Variants in ABR observed in about 807,000 individuals in gnomAD.
The protein encoded by ABR is ABR activator of RhoGEF and GTPase.
ABR carries 35 observed loss-of-function variants against 107.2 expected under a neutral mutation model. The ratio of observed to expected loss-of-function variants is 0.33; its 90% CI spans 0.25 to 0.43. The LOEUF (loss-of-function observed/expected upper bound fraction) is 0.43. Ranked by LOEUF, ABR falls within the 20% of genes least tolerant of loss-of-function variation. The pLI is 1.00. For missense variants in ABR, 815 were observed against 1,115.2 expected (o/e 0.73, Z 3.83); for synonymous variants, 498 against 462.0 (o/e 1.08, Z -1.00).
At chr17:1,153,373 C>CG (rs1456614771) in intron 1 of ABR, among the ~76,000 whole-genome samples, 1 of 148,116 alleles carries the variant, frequency 6.8e-6, no homozygotes, top group Non-Finnish European at 1.5e-5. Context: ...GGCACACCTG[C>CG]GGGAGGGCTG....
chr17:1,043,648 G>A (rs2031047738), intron 16 of ABR, among the ~76,000 whole-genome samples: 1 of 152,252 alleles, frequency 6.6e-6, no homozygotes, highest in East Asian at 1.9e-4. Context: ...TACACCACGT[G>A]AGCTACTATG....
chr17:1,152,050 G>T (rs1026223682), intron 1 of ABR, among the ~76,000 whole-genome samples: 1 of 149,888 alleles, frequency 6.7e-6, no homozygotes, highest in Non-Finnish European at 1.5e-5. Context: ...AGCACTTTGG[G>T]AGGCCAAAGC....
chr17:1,134,387 G>A (rs982709663), intron 1 of ABR, among the ~76,000 whole-genome samples: 19 of 151,616 alleles, frequency 1.3e-4, no homozygotes, highest in Non-Finnish European at 1.5e-5. Flanking sequence ...ACTCCAGCCG[G>A]GGCAACAGAG....
At chr17:1,028,131 C>CCG (rs1206230181) in intron 16 of ABR, among the ~76,000 whole-genome samples, 3 of 152,144 alleles carry the variant, frequency 2.0e-5, no homozygotes, top group African/African-American at 7.2e-5. Context: ...CGCTCTGTTG[C>CCG]CCAGGCTGGA....
chr17:1,012,080 T>C (rs1390476427), intron 18 of ABR, 95 bp from the exon 19 acceptor site: 22 of 1,583,740 alleles, frequency 1.4e-5, no homozygotes, highest in Non-Finnish European at 1.9e-5. Context: ...GGAGAGCTTC[T>C]AGCATTTGGG....
At chr17:1,063,788 A>C (rs2034340272) in intron 10 of ABR, among the ~76,000 whole-genome samples, 1 of 148,844 alleles carries the variant, frequency 6.7e-6, no homozygotes, top group Non-Finnish European at 1.5e-5. Context: ...ATGTGAACTG[A>C]GGGCTATGCA....
At chr17:1,014,116 C>G (rs1284388415) in intron 16 of ABR, among the ~76,000 whole-genome samples, 1 of 152,154 alleles carries the variant, frequency 6.6e-6, no homozygotes, top group Non-Finnish European at 1.5e-5. Context: ...TCTAAATACC[C>G]CAGCGACGTG....
Position 1,070,271 on chromosome 17 carries a change from C to T in ABR, c.895-181G>A, listed in dbSNP as rs1236838275. On this transcript the variant is annotated intron_variant, in intron 8 of 22. Coordinates refer to ENST00000302538, the MANE Select transcript of ABR (RefSeq NM_021962.5). This position sits in a 1 kb window ranked among gnomAD's most constrained non-coding sequence, Gnocchi z 4.2. ...AGTCACATGGGCATGGGTTTGAATG[C>T]CAACAGGCTTCTCAGCTGTGATCTC... is the stretch of plus-strand genomic sequence containing the variant. Among the ~76,000 whole-genome samples the T allele has an allele frequency of 6.6e-6, 1 of 152,098 alleles. No individual in the cohort carries two copies. The highest frequency in any genetic ancestry group is 1.5e-5 in the Non-Finnish European group (1 of 68,022).
At chr17:1,169,712 C>T (rs1189532586) in intron 1 of ABR, among the ~76,000 whole-genome samples, 1 of 152,150 alleles carries the variant, frequency 6.6e-6, no homozygotes, top group African/African-American at 2.4e-5. Context: ...GCTCTGCAGC[C>T]CAGCAGGCCC....
intron 1 of ABR, among the ~76,000 whole-genome samples, chr17:1,226,024 A>T (rs914365307): frequency 1.3e-5 from 2 of 152,218 alleles, no homozygotes; most frequent in African/African-American, 4.8e-5. Flanking sequence ...GTCCAAAAAC[A>T]GAATAATACT....
rs1263069585 is a variant in ABR, at chr17:1,051,081, C to A, written c.1562-447G>T. Among the ~76,000 whole-genome samples the A allele has an allele frequency of 2.0e-5, 3 of 152,208 alleles. No individual in the cohort carries two copies. Among genetic ancestry groups the A allele is most frequent in the Admixed American group, 6.5e-5 (1 of 15,282 alleles). ...CGTAACATGGGTGCCCAGGCCTCAA[C>A]AGCGGCATTTGGGGTGGGAGGCGTT... On this transcript the variant is annotated intron_variant, in intron 14 of 22. Transcript: ENST00000302538. The surrounding 1 kb of genome is among the most constrained non-coding windows in gnomAD (Gnocchi z 4.3).
chr17:1,183,192 T>A (rs184747824), upstream of ABR, among the ~76,000 whole-genome samples: 1 of 152,086 alleles, frequency 6.6e-6, no homozygotes, highest in Non-Finnish European at 1.5e-5. Context: ...GTGGACCGGG[T>A]GGGGACCAGC....
In ABR at chr17:1,040,303, G is replaced by A. The variant is rs917763318; in HGVS notation, c.1791+9747C>T. Among the ~76,000 whole-genome samples the A allele has an allele frequency of 1.1e-4, 16 of 152,180 alleles. 1 individual carries two copies. Among genetic ancestry groups the A allele is most frequent in the Admixed American group, 6.5e-4 (10 of 15,284 alleles). On this transcript the variant is annotated intron_variant, in intron 16 of 22. Coordinates refer to ENST00000302538, the MANE Select transcript of ABR (RefSeq NM_021962.5). ...GGGAGCCCTTGACTCCTGCCCTGGC[G>A]GGCTCCGGCCCCACGTTCTCTGCAA...
rs569172675 is a variant in ABR, at chr17:1,082,903, G to A, written c.639+617C>T. ...TGTCAGCACTTTGGGAGGCTGAGACGGGCACATCACCCGAGTTCGAGACCA... is the reference window on the plus strand; with the variant it reads ...TGTCAGCACTTTGGGAGGCTGAGACAGGCACATCACCCGAGTTCGAGACCA... On this transcript the variant is annotated intron_variant, in intron 5 of 22. Coordinates refer to ENST00000302538, the MANE Select transcript of ABR (RefSeq NM_021962.5). Among the ~76,000 whole-genome samples the A allele has an allele frequency of 3.2e-4, 48 of 152,058 alleles. No individual in the cohort carries two copies. The South Asian group carries it at 3.3e-3, about 11-fold the overall frequency.
At chr17:1,137,332 G>A (rs1204622893) in intron 1 of ABR, among the ~76,000 whole-genome samples, 1 of 152,126 alleles carries the variant, frequency 6.6e-6, no homozygotes, top group Non-Finnish European at 1.5e-5. Flanking sequence ...GTGAGCCACC[G>A]AGCCCGGGCT....
chr17:1,018,818 A>C (rs2150796177), intron 16 of ABR, among the ~76,000 whole-genome samples: 1 of 152,284 alleles, frequency 6.6e-6, no homozygotes, highest in South Asian at 2.1e-4. Flanking sequence ...TACACACAGC[A>C]TCTGCGTTCA....
intron 1 of ABR, chr17:1,125,573 G>T (rs1358108221): frequency 5.1e-6 from 2 of 389,564 alleles, no homozygotes; most frequent in Non-Finnish European, 8.9e-6. Context: ...CCCGCTCCGG[G>T]GCTGCTGGGA....
Position 1,121,271 on chromosome 17 carries a change from G to A in ABR, c.246+3912C>T, listed in dbSNP as rs546192836. 8.2e-4 allele frequency among the ~76,000 whole-genome samples: 125 copies of A among 152,360 alleles called. 1 individual carries two copies. The highest frequency in any genetic ancestry group is 1.6e-3 in the Non-Finnish European group (108 of 68,030). The stretch of plus-strand genomic sequence containing the variant: ...TGTCCTGCCAACACCGCAGAGACCC[G>A]GCTTCACCCGGGGCCACCCCATGTG... On this transcript the variant is annotated intron_variant, in intron 2 of 22. Transcript: ENST00000302538.
chr17:1,085,111 T>A (rs1457486615), intron 4 of ABR, among the ~76,000 whole-genome samples: 1 of 113,432 alleles, frequency 8.8e-6, no homozygotes. Context: ...CAATTAAAAC[T>A]TTTTTTTTTT....
Sources: allele counts gnomAD v4.1 joint callset (sites outside exome capture counted in the v4.1 genomes callset), GRCh38; gene constraint gnomAD v4.1.1; non-coding constraint Gnocchi (gnomAD v3.1); transcripts MANE v1.5; gene names NCBI Gene and HGNC (gene_info 2026-07-23, HGNC 2026-07-21).